PELI2: variants seen among roughly 807,000 people sequenced by gnomAD.
The protein encoded by PELI2 is E3 ubiquitin-protein ligase pellino homolog 2.
In PELI2, 23 loss-of-function variants were observed where a neutral mutation model predicts 42.3. The observed-to-expected ratio is 0.54, with a 90% CI of 0.39 to 0.77. The LOEUF is 0.77. Among genes scored for constraint, PELI2 ranks in the 30% least tolerant of loss-of-function variants. The pLI, the probability that PELI2 is intolerant of heterozygous loss-of-function variation, is 0.00. For synonymous variants in PELI2, 245 were observed against 212.2 expected (o/e 1.15, Z -1.34); for missense variants, 463 against 553.2 (o/e 0.84, Z 1.64).
At chr14:56,141,326 T>G (rs890785468) in intron 1 of PELI2, among the ~76,000 whole-genome samples, 1 of 152,206 alleles carries the variant, frequency 6.6e-6, no homozygotes, top group East Asian at 1.9e-4. Flanking sequence ...TGCGCCCCTG[T>G]GCCCTCAGGG....
chr14:56,223,103 C>T (rs1307404924), intron 2 of PELI2, among the ~76,000 whole-genome samples: 1 of 152,124 alleles, frequency 6.6e-6, no homozygotes, highest in East Asian at 1.9e-4. Context: ...GATGCTCGTG[C>T]CTCCGTCCAC....
chr14:56,130,845 C>T (rs1023967111), intron 1 of PELI2, among the ~76,000 whole-genome samples: 2 of 152,072 alleles, frequency 1.3e-5, no homozygotes, highest in South Asian at 4.1e-4. Context: ...CCATTTTGTT[C>T]CTCCTTCCAG....
intron 1 of PELI2, among the ~76,000 whole-genome samples, chr14:56,154,130 GTTTA>G (rs1049874928): frequency 6.6e-6 from 1 of 152,036 alleles, no homozygotes; most frequent in African/African-American, 2.4e-5. Flanking sequence ...ATTTTGGTGT[GTTTA>G]TTTAGTTTTT....
rs771260739 is a variant in PELI2 at position 56,299,596 on chromosome 14, T to C, written c.*2430T>C. Reference sequence around the variant, plus strand: ...ACTTGTAGGAAGATCCCTTTACAATTTTGACTAAGGAGATTTTTTTTTTCA... The same window carrying C: ...ACTTGTAGGAAGATCCCTTTACAATCTTGACTAAGGAGATTTTTTTTTTCA... On this transcript the variant is annotated 3_prime_UTR_variant, in exon 6 of 6. Transcript: ENST00000267460. 7.2e-5 allele frequency: 11 copies of C among 152,186 alleles called. No homozygotes were observed. Among genetic ancestry groups the C allele is most frequent in the Non-Finnish European group, 1.6e-4 (11 of 68,024 alleles). The allele number at this position is 152,186 out of a possible 1,614,324, so 9.4% of individuals were successfully genotyped here. A position where few individuals can be genotyped will look rare whatever the true frequency, so the allele number is the denominator to read the frequency against.
At chr14:56,143,763 C>T (rs915549038) in intron 1 of PELI2, among the ~76,000 whole-genome samples, 1 of 152,232 alleles carries the variant, frequency 6.6e-6, no homozygotes, top group Non-Finnish European at 1.5e-5. Context: ...CTCCTGTGTC[C>T]TTTTGACATG....
At chr14:56,185,053 G>A (rs902544430) in intron 2 of PELI2, among the ~76,000 whole-genome samples, 2 of 148,280 alleles carry the variant, frequency 1.3e-5, no homozygotes, top group African/African-American at 4.9e-5. Context: ...TATTTATATG[G>A]CTATTTTTTT....
chr14:56,143,924 C>T (rs1282263956), intron 1 of PELI2, among the ~76,000 whole-genome samples: 1 of 152,134 alleles, frequency 6.6e-6, no homozygotes, highest in Non-Finnish European at 1.5e-5. Flanking sequence ...GATCTGGGTG[C>T]TAATTGAACT....
chr14:56,231,921 G>A (rs1887588676), intron 2 of PELI2, among the ~76,000 whole-genome samples: 1 of 152,070 alleles, frequency 6.6e-6, no homozygotes, highest in Non-Finnish European at 1.5e-5. Flanking sequence ...AAATGATAAA[G>A]GGGATATCAC....
intron 2 of PELI2, among the ~76,000 whole-genome samples, chr14:56,230,309 A>G (rs922301051): frequency 7.2e-5 from 11 of 152,208 alleles, no homozygotes; most frequent in Non-Finnish European, 1.6e-4. Context: ...CAGATTCACC[A>G]AAGTTGAAAT....
chr14:56,157,059 A>G (rs1884594077), intron 1 of PELI2, among the ~76,000 whole-genome samples: 1 of 152,210 alleles, frequency 6.6e-6, no homozygotes, highest in African/African-American at 2.4e-5. Context: ...ATTTGTGATA[A>G]TTGCCAAGTT....
intron 1 of PELI2, among the ~76,000 whole-genome samples, chr14:56,120,839 C>G (rs144560529): frequency 6.6e-6 from 1 of 152,228 alleles, no homozygotes; most frequent in South Asian, 2.1e-4. Flanking sequence ...GGGAAGTTCT[C>G]TCTGAGGAGG....
intron 2 of PELI2, among the ~76,000 whole-genome samples, chr14:56,224,104 A>G (rs1323525361): frequency 2.0e-5 from 3 of 152,224 alleles, no homozygotes; most frequent in Non-Finnish European, 4.4e-5. Flanking sequence ...GAATGTGTAT[A>G]TATACTTTTA....
intron 1 of PELI2, among the ~76,000 whole-genome samples, chr14:56,166,472 C>A (rs1372709227): frequency 2.0e-5 from 3 of 152,064 alleles, no homozygotes; most frequent in Non-Finnish European, 4.4e-5. Flanking sequence ...AATTTTGTAC[C>A]TTCAGGTGAT....
chr14:56,130,402 C>G (rs1054573898), intron 1 of PELI2, among the ~76,000 whole-genome samples: 2 of 151,904 alleles, frequency 1.3e-5, no homozygotes, highest in Non-Finnish European at 2.9e-5. Flanking sequence ...TCAATCCTGC[C>G]TTTACTGTGT....
At position 56,296,702 on chromosome 14, in the gene PELI2, C is replaced by T; in HGVS notation, c.799C>T (p.Gln267Ter). 1 of 1,614,138 alleles carries T rather than the reference C, an allele frequency of 6.2e-7. No individual in the cohort carries two copies. Among genetic ancestry groups the T allele is most frequent in the Non-Finnish European group, 8.5e-7 (1 of 1,179,984 alleles). Residue 267 changes from glutamine (Q) to a stop codon, truncating the protein, a stop_gained, in exon 6 of 6, where the codon CAG becomes TAG. Transcript: ENST00000267460. LOFTEE classifies it high-confidence loss of function. Reference protein sequence around the residue: ...TADGLFHTPTQKHIEALRQEI... With the variant: ...TADGLFHTPT ...AGATGGGCTTTTTCATACTCCAACT[C>T]AGAAGCACATAGAAGCCCTCCGGCA... is the stretch of plus-strand genomic sequence containing the variant.
chr14:56,279,411 C>T (rs188374620), intron 2 of PELI2, among the ~76,000 whole-genome samples: 4 of 152,058 alleles, frequency 2.6e-5, no homozygotes, highest in Non-Finnish European at 1.5e-5. Flanking sequence ...GTGATTGAAT[C>T]GAGTCTTGCA....
intron 2 of PELI2, among the ~76,000 whole-genome samples, chr14:56,190,677 C>T (rs942089119): frequency 2.6e-5 from 4 of 152,170 alleles, no homozygotes; most frequent in African/African-American, 9.7e-5. Flanking sequence ...GCGAAATAAC[C>T]TCTGTTGGAT....
At chr14:56,210,122 C>G (rs1886661241) in intron 2 of PELI2, among the ~76,000 whole-genome samples, 1 of 151,680 alleles carries the variant, frequency 6.6e-6, no homozygotes, top group Non-Finnish European at 1.5e-5. Context: ...TAAATTTTGC[C>G]TGGTTCTTAG....
At chr14:56,139,238 A>AGGAGGAGGGAGAGGATGGG (rs1179302472) in intron 1 of PELI2, among the ~76,000 whole-genome samples, 2 of 152,122 alleles carry the variant, frequency 1.3e-5, no homozygotes, top group African/African-American at 4.8e-5. Flanking sequence ...AGGAAGGTGG[A>AGGAGGAGGGAGAGGATGGG]GGAGGAGGGA....
Sources: gnomAD v4.1 joint callset for allele counts (sites outside exome capture counted in the v4.1 genomes callset) on GRCh38, gnomAD v4.1.1 for gene constraint, MANE v1.5 for transcripts, NCBI Gene and HGNC (gene_info 2026-07-23, HGNC 2026-07-21) for gene names.